Variants in DLG2 observed in about 807,000 individuals in gnomAD.
DLG2 encodes the protein discs large MAGUK scaffold protein 2.
A neutral mutation model predicts 132.5 loss-of-function variants in DLG2; 45 were observed. The ratio of observed to expected loss-of-function variants is 0.34; its 90% CI spans 0.27 to 0.44. The LOEUF (loss-of-function observed/expected upper bound fraction) is 0.44. Among genes scored for constraint, DLG2 ranks in the 20% least tolerant of loss-of-function variants. The pLI, the probability that DLG2 is intolerant of heterozygous loss-of-function variation, is 1.00. For missense variants in DLG2, 1,045 were observed against 1,196.9 expected (o/e 0.87, Z 1.87); for synonymous variants, 424 against 419.6 (o/e 1.01, Z -0.13).
chr11:83,509,542 A>G (rs2094901343), intron 21 of DLG2, among the ~76,000 whole-genome samples: 1 of 152,092 alleles, frequency 6.6e-6, no homozygotes, highest in Non-Finnish European at 1.5e-5. Flanking sequence ...ATGGTACTCC[A>G]TCTCTCAGAC....
At chr11:84,482,765 C>T (rs1301981082) in intron 7 of DLG2, among the ~76,000 whole-genome samples, 3 of 152,114 alleles carry the variant, frequency 2.0e-5, no homozygotes, top group Non-Finnish European at 4.4e-5. Flanking sequence ...TATCTTATTC[C>T]TAGTTTGCTT....
At chr11:84,685,698 G>C (rs1371010618) in intron 6 of DLG2, among the ~76,000 whole-genome samples, 2 of 151,794 alleles carry the variant, frequency 1.3e-5, no homozygotes, top group Non-Finnish European at 2.9e-5. Flanking sequence ...ATTTTGCTCT[G>C]TATTTTCTGT....
intron 5 of DLG2, among the ~76,000 whole-genome samples, chr11:85,129,167 A>T (rs2075442784): frequency 1.3e-5 from 2 of 152,208 alleles, no homozygotes. Context: ...AACTGGACAG[A>T]AACATTTGAG....
At chr11:84,126,840 T>C (rs1358049633) in intron 9 of DLG2, among the ~76,000 whole-genome samples, 3 of 152,226 alleles carry the variant, frequency 2.0e-5, no homozygotes, top group Non-Finnish European at 2.9e-5. Context: ...TTTGGGGTAA[T>C]AGAATGTCTG....
intron 11 of DLG2, among the ~76,000 whole-genome samples, chr11:84,032,690 T>C (rs1040059606): frequency 6.6e-6 from 1 of 152,146 alleles, no homozygotes; most frequent in Admixed American, 6.6e-5. Flanking sequence ...CAGCCTTGTA[T>C]TGGAAGAAGA....
intron 6 of DLG2, among the ~76,000 whole-genome samples, chr11:85,083,942 C>A (rs1293065065): frequency 6.6e-6 from 1 of 151,950 alleles, no homozygotes; most frequent in African/African-American, 2.4e-5. Context: ...CTTTGGAATG[C>A]CTGTGATCAA....
chr11:84,255,320 T>G (rs2097450199), intron 7 of DLG2, among the ~76,000 whole-genome samples: 1 of 152,098 alleles, frequency 6.6e-6, no homozygotes, highest in South Asian at 2.1e-4. Flanking sequence ...ATATACACCC[T>G]CTTTATTTTA....
intron 5 of DLG2, among the ~76,000 whole-genome samples, chr11:85,146,279 G>T (rs1205501221): frequency 6.9e-6 from 1 of 145,906 alleles, no homozygotes; most frequent in Non-Finnish European, 1.5e-5. Context: ...GCTTCCTGGA[G>T]TTGGGGGAGG....
intron 6 of DLG2, among the ~76,000 whole-genome samples, chr11:84,582,387 T>C (rs1172438178): frequency 6.7e-6 from 1 of 149,440 alleles, no homozygotes; most frequent in Non-Finnish European, 1.5e-5. Context: ...TATATATATA[T>C]TTAGGGAAAA....
At chr11:84,176,230 A>G (rs775114215) in intron 8 of DLG2, among the ~76,000 whole-genome samples, 11 of 151,760 alleles carry the variant, frequency 7.2e-5, no homozygotes, top group Non-Finnish European at 1.5e-4. Flanking sequence ...GTAGAAATTA[A>G]ATAAGCCAAT....
intron 4 of DLG2, among the ~76,000 whole-genome samples, chr11:85,245,727 A>G (rs1181329547): frequency 1.3e-5 from 2 of 151,778 alleles, no homozygotes. Flanking sequence ...ACCAACAAAA[A>G]CCCAGATGAT....
At chr11:83,906,094 TATATATATATAC>T (rs199936453) in intron 15 of DLG2, among the ~76,000 whole-genome samples, 10,550 of 108,204 alleles carry the variant, frequency 0.098, 404 homozygotes, top group African/African-American at 0.15. Context: ...TATATATATA[TATATATATATAC>T]ATATATAGTT....
At chr11:83,790,655 A>G in intron 17 of DLG2, 1 of 1,098,606 alleles carries the variant, frequency 9.1e-7, no homozygotes, top group Admixed American at 1.7e-5. Context: ...GTGAGAGTGG[A>G]GGGACATGAT....
intron 4 of DLG2, among the ~76,000 whole-genome samples, chr11:85,196,336 T>C (rs1595285109): frequency 6.6e-6 from 1 of 152,248 alleles, no homozygotes; most frequent in East Asian, 1.9e-4. Context: ...AACTGTTCAA[T>C]TTTCCTTTAT....
chr11:84,591,329 T>TTTTG lies in DLG2; in HGVS notation c.358-56602_358-56599dup, dbSNP rs1318385239. ...ACCATGCCTTGTTTTTTTTTTTTTG[T>TTTTG]TTTGTTTGTTTGTTTGTTTGTTTCC... On this transcript the variant is annotated intron_variant, in intron 6 of 27. Coordinates refer to ENST00000376104, the MANE Select transcript of DLG2 (RefSeq NM_001142699.3). Among the ~76,000 whole-genome samples, 265 of 149,152 alleles carry TTTTG rather than the reference T, an allele frequency of 1.8e-3. 2 individuals are homozygous for TTTTG. The highest frequency in any genetic ancestry group is 5.9e-3 in the African/African-American group (237 of 40,082).
At chr11:83,612,156 C>T (rs1419170011) in intron 19 of DLG2, among the ~76,000 whole-genome samples, 8 of 152,140 alleles carry the variant, frequency 5.3e-5, no homozygotes, top group Non-Finnish European at 1.0e-4. Context: ...GTCCCCACCC[C>T]CTCCTCAAGG....
intron 6 of DLG2, among the ~76,000 whole-genome samples, chr11:84,647,822 T>A (rs2099676797): frequency 6.6e-6 from 1 of 152,204 alleles, no homozygotes; most frequent in African/African-American, 2.4e-5. Flanking sequence ...GGTGTGAATG[T>A]ACAGTGAAAT....
intron 4 of DLG2, among the ~76,000 whole-genome samples, chr11:85,223,249 C>T (rs1446566387): frequency 5.3e-5 from 8 of 152,110 alleles, no homozygotes; most frequent in Middle Eastern, 3.4e-3. Flanking sequence ...AAATGCAAGA[C>T]GCACCTGCAA....
chr11:83,565,671 T>C (rs1389641664), intron 19 of DLG2, among the ~76,000 whole-genome samples: 1 of 152,196 alleles, frequency 6.6e-6, no homozygotes, highest in Non-Finnish European at 1.5e-5. Flanking sequence ...TTCAATGCAC[T>C]GTCAATCTAC....
Sources: gnomAD v4.1 joint callset for allele counts (sites outside exome capture counted in the v4.1 genomes callset) on GRCh38, gnomAD v4.1.1 for gene constraint, MANE v1.5 for transcripts, NCBI Gene and HGNC (gene_info 2026-07-23, HGNC 2026-07-21) for gene names.